Variants in CMSS1 observed in about 807,000 individuals in gnomAD.
CMSS1 encodes the protein protein CMSS1.
Under a neutral mutation model 43.5 loss-of-function variants are expected in CMSS1, and 33 were observed. The ratio of observed to expected loss-of-function variants is 0.76; its 90% CI spans 0.57 to 1.01. CMSS1 has a LOEUF of 1.01. CMSS1 is among the 50% of genes least tolerant of loss of function. The probability of loss-of-function intolerance (pLI) is 0.00; values close to 1 mark genes in which losing one functional copy is unlikely to be tolerated. For synonymous variants in CMSS1, 115 were observed against 117.2 expected (o/e 0.98, Z 0.12); for missense variants, 313 against 326.4 (o/e 0.96, Z 0.32).
At chr3:100,121,097 C>G (rs1202644721) in intron 1 of CMSS1, among the ~76,000 whole-genome samples, 1 of 152,102 alleles carries the variant, frequency 6.6e-6, no homozygotes, top group Non-Finnish European at 1.5e-5. Flanking sequence ...TTCAAGCAAA[C>G]TCTTTTTTTT....
At chr3:100,166,108 C>G (rs963107740) in intron 4 of CMSS1, among the ~76,000 whole-genome samples, 1 of 152,188 alleles carries the variant, frequency 6.6e-6, no homozygotes, top group Non-Finnish European at 1.5e-5. Context: ...TAAGAAGCTC[C>G]TATTTCACTG....
At chr3:100,011,210 T>C (rs1314032974) in intron 1 of CMSS1, among the ~76,000 whole-genome samples, 16 of 152,108 alleles carry the variant, frequency 1.1e-4, no homozygotes, top group Admixed American at 1.0e-3. Flanking sequence ...TTTGATACAC[T>C]TTCTGTAAAA....
intron 1 of CMSS1, among the ~76,000 whole-genome samples, chr3:99,998,607 T>C (rs180944550): frequency 7.2e-5 from 11 of 152,266 alleles, no homozygotes; most frequent in Admixed American, 4.6e-4. Context: ...CCAGCACCCA[T>C]GCTGGAGTGC....
chr3:100,117,097 A>C (rs1461051441), intron 1 of CMSS1, among the ~76,000 whole-genome samples: 1 of 152,164 alleles, frequency 6.6e-6, no homozygotes, highest in African/African-American at 2.4e-5. Flanking sequence ...TATTCACATA[A>C]ATAAATAATT....
At chr3:100,017,050 A>G (rs1710365276) in intron 1 of CMSS1, among the ~76,000 whole-genome samples, 2 of 152,226 alleles carry the variant, frequency 1.3e-5, no homozygotes, top group African/African-American at 4.8e-5. Flanking sequence ...CCAGTTTCTC[A>G]CATGTGTGTA....
intron 1 of CMSS1, among the ~76,000 whole-genome samples, chr3:99,946,968 C>T (rs1357318458): frequency 1.3e-5 from 2 of 151,918 alleles, no homozygotes; most frequent in Non-Finnish European, 2.9e-5. Context: ...AACCCCGCCT[C>T]TACTAAAAAA....
At chr3:99,991,951 TATATATGTGTGTATATATACACAC>T (rs755235009) in intron 1 of CMSS1, among the ~76,000 whole-genome samples, 107 of 147,260 alleles carry the variant, frequency 7.3e-4, no homozygotes, top group South Asian at 4.2e-3. Context: ...TATATATGTG[TATATATGTGTGTATATATACACAC>T]ATATATGTGT....
At chr3:99,909,532 C>A (rs986644575) in intron 1 of CMSS1, among the ~76,000 whole-genome samples, 3 of 152,122 alleles carry the variant, frequency 2.0e-5, no homozygotes, top group African/African-American at 7.2e-5. Context: ...CATAATCATT[C>A]ATGGCAAGGG....
intron 1 of CMSS1, chr3:99,850,680 C>G: frequency 1.2e-6 from 2 of 1,614,112 alleles, no homozygotes; most frequent in Non-Finnish European, 1.7e-6. Flanking sequence ...CATCAATCTG[C>G]CGGCTGAGTG....
chr3:99,846,448 C>T (rs1943368779), intron 1 of CMSS1, among the ~76,000 whole-genome samples: 1 of 152,182 alleles, frequency 6.6e-6, no homozygotes. Flanking sequence ...TTTGAAAGAG[C>T]TAAAATTAAG....
intron 1 of CMSS1, among the ~76,000 whole-genome samples, chr3:99,827,476 G>A (rs1254007707): frequency 6.6e-6 from 1 of 152,164 alleles, no homozygotes; most frequent in Non-Finnish European, 1.5e-5. Flanking sequence ...ACAGGTGTGA[G>A]TCACCGCACC....
chr3:100,006,095 C>T (rs894650991), intron 1 of CMSS1, among the ~76,000 whole-genome samples: 2 of 152,040 alleles, frequency 1.3e-5, no homozygotes, highest in Non-Finnish European at 2.9e-5. Flanking sequence ...AGCCCTTAGC[C>T]GTAGACCTCT....
rs895861748 is a variant in CMSS1 at position 99,978,807 on chromosome 3, C to T, written c.64+160764C>T. 6.6e-5 allele frequency among the ~76,000 whole-genome samples: 10 copies of T among 152,176 alleles called. No individual in the cohort carries two copies. In the East Asian group the frequency reaches 1.4e-3, roughly 21 times the overall value. On this transcript the variant is annotated intron_variant, in intron 1 of 9. Transcript: ENST00000421999. ...GGCTGAGGCACGAGAGTCACTTGAACCCAGGAGGCGGAGGCTGCAGTGAGC... is the reference window on the plus strand; with the variant it reads ...GGCTGAGGCACGAGAGTCACTTGAATCCAGGAGGCGGAGGCTGCAGTGAGC...
intron 1 of CMSS1, among the ~76,000 whole-genome samples, chr3:99,865,017 A>T (rs918174596): frequency 2.0e-5 from 3 of 152,150 alleles, no homozygotes; most frequent in African/African-American, 7.2e-5. Flanking sequence ...GGTATTCAAT[A>T]AATATTTGAA....
At chr3:100,041,295 A>G (rs1299257866) in intron 1 of CMSS1, 1 of 152,200 alleles carries the variant, frequency 6.6e-6, no homozygotes, top group Non-Finnish European at 1.5e-5. Context: ...CTCTTTAGAA[A>G]AGCAAAATTA....
At chr3:99,889,885 T>C (rs1269590374) in intron 1 of CMSS1, among the ~76,000 whole-genome samples, 1 of 152,116 alleles carries the variant, frequency 6.6e-6, no homozygotes, top group Non-Finnish European at 1.5e-5. Context: ...TTATATATTT[T>C]AGTTCTAACT....
At chr3:100,166,485 A>C (rs1197094713) in intron 5 of CMSS1, 91 bp downstream of exon 5, 1 of 809,826 alleles carries the variant, frequency 1.2e-6, no homozygotes, top group Non-Finnish European at 2.1e-6. Flanking sequence ...TTTGTTTTAT[A>C]ACACATTAGG....
At chr3:100,159,698 T>C (rs566482120) in intron 2 of CMSS1, 9 of 237,270 alleles carry the variant, frequency 3.8e-5, no homozygotes, top group Non-Finnish European at 5.3e-5. Flanking sequence ...TTCTATTTTA[T>C]AAATCAAGGT....
intron 1 of CMSS1, among the ~76,000 whole-genome samples, chr3:99,868,878 T>C (rs1944645833): frequency 1.3e-5 from 2 of 152,214 alleles, no homozygotes; most frequent in African/African-American, 4.8e-5. Context: ...ATTACCTAAA[T>C]ATTCTACATT....
Sources: allele counts gnomAD v4.1 joint callset (sites outside exome capture counted in the v4.1 genomes callset), GRCh38; gene constraint gnomAD v4.1.1; transcripts MANE v1.5; gene names NCBI Gene and HGNC (gene_info 2026-07-23, HGNC 2026-07-21).